The following AR variants were observed in gnomAD, a reference collection of about 807,000 sequenced individuals.
AR encodes androgen receptor, also known as dihydrotestosterone receptor.
A neutral mutation model predicts 53.9 loss-of-function variants in AR; 8 were observed. That is an observed-to-expected ratio of 0.15 (90% CI 0.09 to 0.27). The LOEUF is 0.27. AR is among the 10% of genes least tolerant of loss of function. The pLI, the probability that AR is intolerant of heterozygous loss-of-function variation, is 1.00. For missense variants in AR, 639 were observed against 742.5 expected, an observed-to-expected ratio of 0.86 and a Z score of 1.62; for synonymous variants, 359 against 316.4, an observed-to-expected ratio of 1.13 and a Z score of -1.43.
intron 5 of AR, among the ~76,000 whole-genome samples, chrX:67,720,234 AC>A (rs1307807905): frequency 9.3e-6 from 1 of 108,073 alleles, no homozygotes; most frequent in Non-Finnish European, 1.9e-5. Flanking sequence ...TCATTTTTCT[AC>A]CCTCCATTCT....
At chrX:67,567,414 G>C (rs1309410165) in intron 1 of AR, among the ~76,000 whole-genome samples, 1 of 111,446 alleles carries the variant, frequency 9.0e-6, no homozygotes, top group East Asian at 2.8e-4. Context: ...GATGAGGAAA[G>C]GCTTTCCTCC....
intron 1 of AR, among the ~76,000 whole-genome samples, chrX:67,623,617 A>G (rs1324281900): frequency 3.6e-5 from 4 of 111,320 alleles, no homozygotes; most frequent in African/African-American, 1.3e-4. Flanking sequence ...CAAAGAAAGC[A>G]GGAAGAAAGA....
At chrX:67,620,706 T>C (rs1924330200) in intron 1 of AR, among the ~76,000 whole-genome samples, 1 of 111,623 alleles carries the variant, frequency 9.0e-6, no homozygotes, top group African/African-American at 3.3e-5. Flanking sequence ...CTGTAACTAA[T>C]GAGAAGATGT....
At chrX:67,575,459 G>GA (rs1206907857) in intron 1 of AR, among the ~76,000 whole-genome samples, 1 of 111,680 alleles carries the variant, frequency 9.0e-6, no homozygotes, top group Non-Finnish European at 1.9e-5. Flanking sequence ...GATCTGTATG[G>GA]AATCGTATGA....
At chrX:67,685,198 A>G (rs185863882) in intron 2 of AR, among the ~76,000 whole-genome samples, 207 of 111,830 alleles carry the variant, frequency 1.9e-3, no homozygotes, top group African/African-American at 5.9e-3. Context: ...TAGTCAGTCA[A>G]TCCACGTTTG....
At chrX:67,695,730 T>G in intron 3 of AR, 2 of 742,840 alleles carry the variant, frequency 2.7e-6, no homozygotes, top group Non-Finnish European at 3.1e-6. Flanking sequence ...CCTTCTCCAG[T>G]CTGTCTAAAC....
chrX:67,577,418 A>G (rs571267409), intron 1 of AR, among the ~76,000 whole-genome samples: 1 of 111,223 alleles, frequency 9.0e-6, no homozygotes, highest in East Asian at 2.8e-4. Context: ...TAGCTATTTT[A>G]AATAATGCTG....
At position 67,632,630 on chromosome X, in the gene AR, C is replaced by T. The variant is rs752328263; in HGVS notation, c.1617-10626C>T. 3.3e-4 allele frequency among the ~76,000 whole-genome samples: 37 copies of T among 111,936 alleles called. 1 individual carries two copies. Among genetic ancestry groups the T allele is most frequent in the African/African-American group, 1.1e-3 (35 of 30,854 alleles). ...TTCGCTCATGCTGGGAGCTGTAGAC[C>T]TGAGCTGTTCCTATTCGGCCATCTT... On this transcript the variant is annotated intron_variant, in intron 1 of 7. Transcript: ENST00000374690.
rs757177982 is a variant in AR, at chrX:67,580,920, T to C, written c.1616+34158T>C. The stretch of plus-strand genomic sequence containing the variant: ...GCACATAGAAGATACTCAGTAAATA[T>C]TTGTTGAATGAATAAGTCATAAAGA... On this transcript the variant is annotated intron_variant, in intron 1 of 7. Coordinates refer to ENST00000374690, the MANE Select transcript of AR (RefSeq NM_000044.6). 2.7e-5 allele frequency among the ~76,000 whole-genome samples: 3 copies of C among 111,873 alleles called. No individual in the cohort carries two copies. The East Asian group carries it at 8.5e-4, about 32-fold the overall frequency.
chrX:67,618,862 A>G (rs1207452394), intron 1 of AR, among the ~76,000 whole-genome samples: 1 of 111,532 alleles, frequency 9.0e-6, no homozygotes, highest in Admixed American at 9.5e-5. Flanking sequence ...AGGTTAGATT[A>G]GTGAATTGCA....
intron 2 of AR, chrX:67,680,575 A>G (rs1051141383): frequency 2.2e-5 from 6 of 271,981 alleles, no homozygotes; most frequent in Non-Finnish European, 3.5e-5. Context: ...AACACCATAT[A>G]TATAAAGTGT....
chrX:67,593,122 C>T (rs937341067), intron 1 of AR, among the ~76,000 whole-genome samples: 1 of 111,153 alleles, frequency 9.0e-6, no homozygotes, highest in Admixed American at 9.6e-5. Flanking sequence ...CTGTTTTACT[C>T]TTCACTTTAG....
At chrX:67,637,959 A>C (rs923575603) in intron 1 of AR, among the ~76,000 whole-genome samples, 1 of 110,707 alleles carries the variant, frequency 9.0e-6, no homozygotes, top group South Asian at 3.9e-4. Flanking sequence ...ATTTCTCCTA[A>C]TGCTATTCCC....
chrX:67,676,101 T>A (rs1157021209), intron 2 of AR, among the ~76,000 whole-genome samples: 1 of 112,209 alleles, frequency 8.9e-6, no homozygotes, highest in Non-Finnish European at 1.9e-5. Context: ...AAATATCACA[T>A]GAGTATTATT....
chrX:67,700,441 A>C (rs1192490153), intron 3 of AR, among the ~76,000 whole-genome samples: 1 of 111,578 alleles, frequency 9.0e-6, no homozygotes, highest in East Asian at 2.8e-4. Context: ...CAGGATTCCA[A>C]GTCGTCTAGC....
In AR at chrX:67,546,678, G is replaced by T; in HGVS notation, c.1532G>T (p.Arg511Ile). The T allele has an allele frequency of 8.3e-7, 1 of 1,208,586 alleles. No homozygotes were observed. The highest frequency in any genetic ancestry group is 1.1e-6 in the Non-Finnish European group (1 of 894,032). The change falls in exon 1 of 8, where the codon AGA becomes ATA. Residue 511 changes from arginine (R) to isoleucine (I), a missense_variant. Coordinates refer to ENST00000374690, the MANE Select transcript of AR (RefSeq NM_000044.6). ...DVWYPGGMVS[R>I]VPYPSPTCVK... is the part of the protein sequence containing the mutation. The stretch of plus-strand genomic sequence containing the variant: ...TGGTACCCTGGCGGCATGGTGAGCA[G>T]AGTGCCCTATCCCAGTCCCACTTGT...
intron 3 of AR, among the ~76,000 whole-genome samples, chrX:67,705,321 T>C (rs887901191): frequency 5.4e-5 from 6 of 111,427 alleles, no homozygotes; most frequent in Non-Finnish European, 1.1e-4. Flanking sequence ...TTTTATTTCA[T>C]TGAGCAGTGG....
chrX:67,655,977 T>C (rs956355446), intron 2 of AR, among the ~76,000 whole-genome samples: 20 of 111,968 alleles, frequency 1.8e-4, no homozygotes, highest in Admixed American at 8.6e-4. Flanking sequence ...AATTTGATAG[T>C]AGTTATTTTT....
chrX:67,663,424 CT>C (rs776536001), intron 2 of AR, among the ~76,000 whole-genome samples: 3 of 112,082 alleles, frequency 2.7e-5, no homozygotes, highest in Non-Finnish European at 3.8e-5. Flanking sequence ...TTTTAAAATT[CT>C]TTTCTTTAAG....
Sources: gnomAD v4.1 joint callset for allele counts (sites outside exome capture counted in the v4.1 genomes callset) on GRCh38, gnomAD v4.1.1 for gene constraint, MANE v1.5 for transcripts, NCBI Gene and HGNC (gene_info 2026-07-23, HGNC 2026-07-21) for gene names.